The following PCDHGA1 variants were observed in gnomAD, a reference collection of about 807,000 sequenced individuals.
PCDHGA1 encodes protocadherin gamma subfamily A, 1.
PCDHGA1 carries 32 observed loss-of-function variants against 58.0 expected under a neutral mutation model. The ratio of observed to expected loss-of-function variants is 0.55; its 90% CI spans 0.42 to 0.74. The LOEUF is 0.74. PCDHGA1 is among the 30% of genes least tolerant of loss of function. The pLI is 0.00. For missense variants in PCDHGA1, 1,205 were observed against 1,182.3 expected (o/e 1.02, Z -0.28); for synonymous variants, 498 against 501.1 (o/e 0.99, Z 0.08).
At chr5:141,349,206 G>A (rs1374082328) in intron 1 of PCDHGA1, among the ~76,000 whole-genome samples, 5 of 150,900 alleles carry the variant, frequency 3.3e-5, no homozygotes, top group East Asian at 3.9e-4. Context: ...AGTAGCTGGC[G>A]TTACAGGTAC....
intron 1 of PCDHGA1, chr5:141,419,430 A>T: frequency 1.2e-6 from 2 of 1,613,318 alleles, no homozygotes; most frequent in Non-Finnish European, 1.7e-6. Flanking sequence ...GACCACGAGC[A>T]GCTGCGCACC....
In PCDHGA1 at chr5:141,431,339, TTGG is replaced by T. The variant is rs750589924; in HGVS notation, c.2422-63465_2422-63463del. ...AGCCGACGGTAGTAAGTACCCCGAA[TTGG>T]TGCTGAAACGCGCCCTGGACCGCGA... is the stretch of plus-strand genomic sequence containing the variant. On this transcript the variant is annotated intron_variant, in intron 1 of 3. Coordinates refer to ENST00000517417, the MANE Select transcript of PCDHGA1 (RefSeq NM_018912.3). The surrounding 1 kb of genome is among the most constrained non-coding windows in gnomAD (Gnocchi z 4.8). 4 of 1,614,060 alleles carry T rather than the reference TTGG, an allele frequency of 2.5e-6. No individual in the cohort carries two copies. The Admixed American group carries it at 6.7e-5, about 27-fold the overall frequency.
At chr5:141,365,681 A>C in intron 1 of PCDHGA1, 2 of 1,613,224 alleles carry the variant, frequency 1.2e-6, no homozygotes, top group Non-Finnish European at 8.5e-7. Flanking sequence ...CAACCCACCC[A>C]ATTTCCCTCA....
At chr5:141,350,727 A>T (rs751887071) in intron 1 of PCDHGA1, 1 of 1,613,844 alleles carries the variant, frequency 6.2e-7, no homozygotes, top group Non-Finnish European at 8.5e-7. Context: ...TCTGCTCAAG[A>T]TGCAGATGTG....
chr5:141,450,092 C>T (rs761677942), intron 1 of PCDHGA1, among the ~76,000 whole-genome samples: 2 of 148,672 alleles, frequency 1.3e-5, no homozygotes, highest in Non-Finnish European at 3.0e-5. Flanking sequence ...CTGCAACCTC[C>T]GCCTCCCAGG....
Position 141,486,979 on chromosome 5 carries a change from C to T in PCDHGA1, c.2422-7828C>T. On this transcript the variant is annotated intron_variant, in intron 1 of 3. Transcript: ENST00000517417. This position sits in a 1 kb window ranked among gnomAD's most constrained non-coding sequence, Gnocchi z 5.0. ...CTGCTGTGGACTTGGATTCAGGTTACAATGCTTGGGTTTCCTATCAGCTCC... is the reference window on the plus strand; with the variant it reads ...CTGCTGTGGACTTGGATTCAGGTTATAATGCTTGGGTTTCCTATCAGCTCC... 6.2e-7 allele frequency: 1 copy of T among 1,614,200 alleles called. No individual in the cohort carries two copies. Among genetic ancestry groups the T allele is most frequent in the Non-Finnish European group, 8.5e-7 (1 of 1,180,032 alleles).
At chr5:141,413,708 C>G in intron 1 of PCDHGA1, 1 of 1,613,664 alleles carries the variant, frequency 6.2e-7, no homozygotes, top group African/African-American at 1.3e-5. Flanking sequence ...CAGCTCAGCC[C>G]CAATAAGCAC....
chr5:141,365,193 T>C (rs1349681128), intron 1 of PCDHGA1: 2 of 1,613,644 alleles, frequency 1.2e-6, no homozygotes, highest in Non-Finnish European at 1.7e-6. Context: ...GAAGAAAAAA[T>C]TTCGGAGACT....
chr5:141,443,274 A>G (rs1259320198), intron 1 of PCDHGA1, among the ~76,000 whole-genome samples: 12 of 151,534 alleles, frequency 7.9e-5, no homozygotes, highest in African/African-American at 1.7e-4. Context: ...TGAGCCCAGG[A>G]GTTTGAGACC....
chr5:141,413,684 C>T, intron 1 of PCDHGA1: 1 of 1,613,838 alleles, frequency 6.2e-7, no homozygotes, highest in Non-Finnish European at 8.5e-7. Context: ...GGCGTGAACT[C>T]CCTGCAGAGC....
chr5:141,339,624 G>A (rs370928859), intron 1 of PCDHGA1: 1 of 1,614,194 alleles, frequency 6.2e-7, no homozygotes, highest in Non-Finnish European at 8.5e-7. Context: ...TCTGATGGGG[G>A]TGACCCAGTG....
intron 1 of PCDHGA1, chr5:141,410,350 A>G (rs2154543015): frequency 1.2e-6 from 2 of 1,613,912 alleles, no homozygotes; most frequent in South Asian, 1.1e-5. Context: ...TGCGCCTGCG[A>G]CGCTCTCTCA....
At position 141,431,367 on chromosome 5, in the gene PCDHGA1, A is replaced by G; in HGVS notation, c.2422-63440A>G. 1.2e-6 allele frequency: 2 copies of G among 1,613,984 alleles called. No homozygotes were observed. The highest frequency in any genetic ancestry group is 2.2e-5 in the South Asian group (2 of 91,084). On this transcript the variant is annotated intron_variant, in intron 1 of 3. Coordinates refer to ENST00000517417, the MANE Select transcript of PCDHGA1 (RefSeq NM_018912.3). This position sits in a 1 kb window ranked among gnomAD's most constrained non-coding sequence, Gnocchi z 4.8. ...GTGCTGAAACGCGCCCTGGACCGCGAAGAAAAGGCTGCTCACCACCTGGTC... is the reference window on the plus strand; with the variant it reads ...GTGCTGAAACGCGCCCTGGACCGCGGAGAAAAGGCTGCTCACCACCTGGTC...
At chr5:141,467,627 G>A (rs2099147481) in intron 1 of PCDHGA1, among the ~76,000 whole-genome samples, 1 of 152,140 alleles carries the variant, frequency 6.6e-6, no homozygotes, top group South Asian at 2.1e-4. Context: ...ATTTGAGATA[G>A]CATCTTTATC....
At chr5:141,482,235 T>C (rs2099554999) in intron 1 of PCDHGA1, among the ~76,000 whole-genome samples, 1 of 152,174 alleles carries the variant, frequency 6.6e-6, no homozygotes, top group Non-Finnish European at 1.5e-5. Context: ...AAATTGCCAA[T>C]ATAAGTATAG....
In PCDHGA1 at chr5:141,386,511, T is replaced by C. The variant is rs558161782; in HGVS notation, c.2421+53406T>C. Among the ~76,000 whole-genome samples the C allele has an allele frequency of 2.0e-4, 3 of 15,264 alleles. No homozygotes were observed. The East Asian group carries it at 5.2e-3, about 27-fold the overall frequency. 10.0% of individuals were successfully genotyped at this position (15,264 alleles called of 152,430 possible). ...GATAATATAACAAGACTCTGTCTCTTCAAAAAAAGACTCTTTTTAGACTAG... is the reference window on the plus strand; with the variant it reads ...GATAATATAACAAGACTCTGTCTCTCCAAAAAAAGACTCTTTTTAGACTAG... On this transcript the variant is annotated intron_variant, in intron 1 of 3. Coordinates refer to ENST00000517417, the MANE Select transcript of PCDHGA1 (RefSeq NM_018912.3).
intron 1 of PCDHGA1, among the ~76,000 whole-genome samples, chr5:141,425,427 A>G (rs925551543): frequency 2.2e-4 from 33 of 152,362 alleles, no homozygotes; most frequent in Non-Finnish European, 4.1e-4. Flanking sequence ...GTCCCATTAA[A>G]TAGAGGATAA....
At position 141,346,183 on chromosome 5, in the gene PCDHGA1, G is replaced by A. The variant is rs751662730; in HGVS notation, c.2421+13078G>A. On this transcript the variant is annotated intron_variant, in intron 1 of 3. Transcript: ENST00000517417. ...ATCGTGCTGCTGGCGCTCAGGCTGC[G>A]GCGCTGGCACAAGTCACGCCTGCTG... The A allele has an allele frequency of 4.2e-5, 68 of 1,613,934 alleles. No individual in the cohort carries two copies. The highest frequency in any genetic ancestry group is 2.0e-4 in the Admixed American group (12 of 59,996).
chr5:141,493,983 A>G lies in PCDHGA1; in HGVS notation c.2422-824A>G, dbSNP rs2099751203. Among the ~76,000 whole-genome samples the G allele has an allele frequency of 6.6e-6, 1 of 152,194 alleles. No homozygotes were observed. The highest frequency in any genetic ancestry group is 6.5e-5 in the Admixed American group (1 of 15,278). ...TGGCTGGCCAGAGCCCCACACCTTC[A>G]GCTAGGTGGGAGATGGCTACACATC... On this transcript the variant is annotated intron_variant, in intron 1 of 3. Coordinates refer to ENST00000517417, the MANE Select transcript of PCDHGA1 (RefSeq NM_018912.3). The surrounding 1 kb of genome is among the most constrained non-coding windows in gnomAD (Gnocchi z 4.3).
Sources: allele counts gnomAD v4.1 joint callset (sites outside exome capture counted in the v4.1 genomes callset), GRCh38; gene constraint gnomAD v4.1.1; non-coding constraint Gnocchi (gnomAD v3.1); transcripts MANE v1.5; gene names NCBI Gene and HGNC (gene_info 2026-07-23, HGNC 2026-07-21).